B3GALNT2: variants seen among roughly 807,000 people sequenced by gnomAD.
B3GALNT2 encodes beta-1,3-N-acetylgalactosaminyltransferase 2, also known as UDP-GalNAc:beta-1,3-N-acetylgalactosaminyltransferase 2.
In B3GALNT2, 53 loss-of-function variants were observed where a neutral mutation model predicts 61.1. The observed-to-expected ratio is 0.87, with a 90% CI of 0.70 to 1.09. The LOEUF is 1.09. Ranked by LOEUF, B3GALNT2 falls within the 50% of genes least tolerant of loss-of-function variation. The probability of loss-of-function intolerance (pLI) is 0.00; values close to 1 mark genes in which losing one functional copy is unlikely to be tolerated. For missense variants in B3GALNT2, 544 were observed against 623.0 expected, an observed-to-expected ratio of 0.87 and a Z score of 1.35; for synonymous variants, 223 against 237.4, an observed-to-expected ratio of 0.94 and a Z score of 0.56.
chr1:235,447,433 ATAGTG>A lies in B3GALNT2; in HGVS notation c.*2768_*2772del, dbSNP rs1242800179. Among the ~76,000 whole-genome samples, 1 of 152,228 alleles carries A rather than the reference ATAGTG, an allele frequency of 6.6e-6. No individual in the cohort carries two copies. Among genetic ancestry groups the A allele is most frequent in the Non-Finnish European group, 1.5e-5 (1 of 68,036 alleles). ...ACAACCCGTCTTTGGAAAGAAGTTCATAGTGTATTCTGAACAAACCAAAGCATTTA... is the reference window on the plus strand; with the variant it reads ...ACAACCCGTCTTTGGAAAGAAGTTCATATTCTGAACAAACCAAAGCATTTA... On this transcript the variant is annotated 3_prime_UTR_variant, in exon 12 of 12. Coordinates refer to ENST00000366600, the MANE Select transcript of B3GALNT2 (RefSeq NM_152490.5).
At chr1:235,481,428 C>G (rs1310113553) in intron 4 of B3GALNT2, among the ~76,000 whole-genome samples, 1 of 152,164 alleles carries the variant, frequency 6.6e-6, no homozygotes, top group Admixed American at 6.5e-5. Context: ...AATGCAGCCT[C>G]GACCTCCTGG....
chr1:235,494,041 T>A (rs1157927686), intron 2 of B3GALNT2, among the ~76,000 whole-genome samples: 1 of 152,046 alleles, frequency 6.6e-6, no homozygotes, highest in Admixed American at 6.6e-5. Flanking sequence ...TTACCAAAGC[T>A]CAGTTCCAGA....
the B3GALNT2 span, among the ~76,000 whole-genome samples, chr1:235,440,280 C>T: frequency 6.7e-6 from 1 of 149,344 alleles, no homozygotes; most frequent in East Asian, 2.1e-4. Context: ...AGGGAAAGCA[C>T]TTCTTAAATG....
chr1:235,488,502 T>G (rs1393927198), intron 3 of B3GALNT2, among the ~76,000 whole-genome samples: 3 of 150,376 alleles, frequency 2.0e-5, no homozygotes, highest in Admixed American at 2.0e-4. Context: ...ACCAACACAG[T>G]GAAACCCCAT....
At position 235,504,263 on chromosome 1, in the gene B3GALNT2, C is replaced by A. The variant is rs542175621; in HGVS notation, c.-11G>T. The stretch of plus-strand genomic sequence containing the variant: ...CAGCCAGTTTCGCATTGGCCGCCCC[C>A]GCCGCGAGCCGGGCTCTCCCGCGTC... On this transcript the variant is annotated 5_prime_UTR_variant, in exon 1 of 12. Coordinates refer to ENST00000366600, the MANE Select transcript of B3GALNT2 (RefSeq NM_152490.5). 6.7e-7 allele frequency: 1 copy of A among 1,486,600 alleles called. No individual in the cohort carries two copies. Among genetic ancestry groups the A allele is most frequent in the Non-Finnish European group, 8.9e-7 (1 of 1,124,250 alleles). The allele number at this position is 1,486,600 out of a possible 1,614,324, so 92.1% of individuals were successfully genotyped here. A position where few individuals can be genotyped will look rare whatever the true frequency, so the allele number is the denominator to read the frequency against.
chr1:235,462,192 G>GT (rs1246852892), intron 7 of B3GALNT2, among the ~76,000 whole-genome samples: 1 of 152,206 alleles, frequency 6.6e-6, no homozygotes. Context: ...TTATAAAATT[G>GT]TAACAGGAAA....
intron 3 of B3GALNT2, among the ~76,000 whole-genome samples, chr1:235,488,200 C>A (rs1684894756): frequency 6.6e-6 from 1 of 152,134 alleles, no homozygotes; most frequent in South Asian, 2.1e-4. Flanking sequence ...TTTGTTTCTT[C>A]AAGATTATTA....
At chr1:235,454,030 G>C in intron 10 of B3GALNT2, 126 bp downstream of exon 10, 2 of 782,810 alleles carry the variant, frequency 2.6e-6, no homozygotes, top group Non-Finnish European at 3.8e-6. Context: ...ATAGAGATGG[G>C]GTCTTGCTAT....
At chr1:235,480,024 G>A in intron 5 of B3GALNT2, 30 bp downstream of exon 5, 1 of 1,612,500 alleles carries the variant, frequency 6.2e-7, no homozygotes, top group Non-Finnish European at 8.5e-7. Flanking sequence ...GACTGCATTG[G>A]TACTACAGTC....
At chr1:235,454,123 G>GCCA in intron 10 of B3GALNT2, 33 bp downstream of exon 10, 1 of 1,554,750 alleles carries the variant, frequency 6.4e-7, no homozygotes, top group Non-Finnish European at 8.7e-7. Flanking sequence ...ACTGGCAAGA[G>GCCA]CCACCACGCC....
In B3GALNT2 at chr1:235,474,970, TATATATATA is replaced by T. The variant is rs1398451780; in HGVS notation, c.652-4019_652-4011del. 9.2e-3 allele frequency among the ~76,000 whole-genome samples: 319 copies of T among 34,494 alleles called. 14 individuals are homozygous for T. Among genetic ancestry groups the T allele is most frequent in the African/African-American group, 0.035 (208 of 5,892 alleles). 22.6% of individuals were successfully genotyped at this position (34,494 alleles called of 152,430 possible). Reference sequence around the variant, plus strand: ...AGAGACATATATATATATATATATATATATATATATATATATATTTTTTTTTTTTTTTTT... The same window carrying T: ...AGAGACATATATATATATATATATATTATATATATTTTTTTTTTTTTTTTT... On this transcript the variant is annotated intron_variant, in intron 5 of 11. Transcript: ENST00000366600.
intron 6 of B3GALNT2, among the ~76,000 whole-genome samples, chr1:235,469,949 G>C (rs1218955751): frequency 6.6e-6 from 1 of 152,082 alleles, no homozygotes; most frequent in African/African-American, 2.4e-5. Flanking sequence ...CCAGGCTGGA[G>C]TGCAGTGGTG....
Position 235,448,819 on chromosome 1 carries a change from A to AAATAAATGATTC in B3GALNT2, c.*1375_*1386dup. 8.0e-7 allele frequency: 1 copy of AAATAAATGATTC among 1,252,128 alleles called. No homozygotes were observed. Among genetic ancestry groups the AAATAAATGATTC allele is most frequent in the Non-Finnish European group, 1.2e-6 (1 of 856,692 alleles). 77.6% of individuals were successfully genotyped at this position (1,252,128 alleles called of 1,614,324 possible). On this transcript the variant is annotated 3_prime_UTR_variant, in exon 12 of 12. Coordinates refer to ENST00000366600, the MANE Select transcript of B3GALNT2 (RefSeq NM_152490.5). ...GCTTATCGTGTCTGGGGTTCACCGG[A>AAATAAATGATTC]AATAAATGATTCACTGGAACAATTC...
downstream of B3GALNT2, among the ~76,000 whole-genome samples, chr1:235,446,056 A>G (rs1476481467): frequency 6.6e-6 from 1 of 152,212 alleles, no homozygotes; most frequent in Admixed American, 6.5e-5. Context: ...TCAGTACCAC[A>G]TGTGGCTGCC....
intron 7 of B3GALNT2, 159 bp downstream of exon 7, chr1:235,465,477 C>G: frequency 1.7e-6 from 2 of 1,164,366 alleles, no homozygotes; most frequent in Non-Finnish European, 2.3e-6. Context: ...TTGTAGAACT[C>G]TAAGAATACA....
chr1:235,465,508 T>TAAAAGGGTG, intron 7 of B3GALNT2, 128 bp downstream of exon 7: 4 of 1,407,002 alleles, frequency 2.8e-6, no homozygotes, highest in Non-Finnish European at 3.8e-6. Context: ...TGAACCACTT[T>TAAAAGGGTG]AAAAGGGTGA....
At chr1:235,484,000 TTATCC>T (rs1243650365) in intron 4 of B3GALNT2, among the ~76,000 whole-genome samples, 1 of 152,192 alleles carries the variant, frequency 6.6e-6, no homozygotes, top group Non-Finnish European at 1.5e-5. Flanking sequence ...TAATACTCAC[TTATCC>T]TAAGAATCCT....
intron 3 of B3GALNT2, among the ~76,000 whole-genome samples, chr1:235,487,017 C>T (rs1388950977): frequency 6.6e-6 from 1 of 152,024 alleles, no homozygotes; most frequent in African/African-American, 2.4e-5. Flanking sequence ...AAAAATAAGT[C>T]AGGCGTGGTG....
At chr1:235,487,030 G>A (rs553839683) in intron 3 of B3GALNT2, among the ~76,000 whole-genome samples, 37 of 152,058 alleles carry the variant, frequency 2.4e-4, no homozygotes, top group African/African-American at 7.2e-4. Flanking sequence ...GCGTGGTGGC[G>A]GGCACCTGTA....
Sources: gnomAD v4.1 joint callset for allele counts (sites outside exome capture counted in the v4.1 genomes callset) on GRCh38, gnomAD v4.1.1 for gene constraint, MANE v1.5 for transcripts, NCBI Gene and HGNC (gene_info 2026-07-23, HGNC 2026-07-21) for gene names.